The following CHD1L variants were observed in gnomAD, a reference collection of about 807,000 sequenced individuals.
The protein encoded by CHD1L is ATP-dependent chromatin remodeler CHD1L.
In CHD1L, 118 loss-of-function variants were observed where a neutral mutation model predicts 115.9. The ratio of observed to expected loss-of-function variants is 1.02; its 90% CI spans 0.88 to 1.19. The LOEUF (loss-of-function observed/expected upper bound fraction) is 1.19. CHD1L is among the 50% of genes most tolerant of loss of function. The probability of loss-of-function intolerance (pLI) is 0.00; values close to 1 mark genes in which losing one functional copy is unlikely to be tolerated. For missense variants in CHD1L, 1,179 were observed against 1,065.3 expected (o/e 1.11, Z -1.49); for synonymous variants, 411 against 387.1 (o/e 1.06, Z -0.72).
chr1:147,204,127 A>C, the CHD1L span: 6 of 1,045,980 alleles, frequency 5.7e-6, no homozygotes, highest in Non-Finnish European at 9.1e-6. Context: ...CTTCTCCCTT[A>C]CTTAAATTCA....
the CHD1L span, chr1:147,223,489 A>G: frequency 6.6e-6 from 1 of 152,322 alleles, no homozygotes; most frequent in East Asian, 1.9e-4. Context: ...AGGGCACCTC[A>G]ATACTATTAA....
the CHD1L span, among the ~76,000 whole-genome samples, chr1:147,216,171 C>T: frequency 1.3e-5 from 2 of 152,296 alleles, no homozygotes; most frequent in Admixed American, 1.3e-4. Context: ...GCTTCCAAGA[C>T]CAAGTCATAA....
intron 2 of CHD1L, 30 bp from the exon 3 acceptor site, chr1:147,254,840 C>G (rs782571843): frequency 1.3e-6 from 2 of 1,514,124 alleles, no homozygotes; most frequent in Non-Finnish European, 1.8e-6. Flanking sequence ...GAAATGTGAT[C>G]AAAACTGCCT....
the CHD1L span, among the ~76,000 whole-genome samples, chr1:147,227,335 G>A: frequency 6.6e-6 from 1 of 152,156 alleles, no homozygotes; most frequent in Non-Finnish European, 1.5e-5. Context: ...AGGAAAACAT[G>A]AATACTTTTA....
the CHD1L span, among the ~76,000 whole-genome samples, chr1:147,236,425 C>T: frequency 5.9e-5 from 9 of 152,202 alleles, no homozygotes; most frequent in Admixed American, 3.3e-4. Flanking sequence ...TCTTGTCCTG[C>T]GTCCAAGTAG....
chr1:147,268,714 G>A, intron 9 of CHD1L, 68 bp from the exon 10 acceptor site: 1 of 1,299,894 alleles, frequency 7.7e-7, no homozygotes, highest in South Asian at 1.2e-5. Context: ...TTCTCTTCCT[G>A]TAGCCTAGCT....
At chr1:147,232,651 G>A in the CHD1L span, among the ~76,000 whole-genome samples, 26 of 152,206 alleles carry the variant, frequency 1.7e-4, no homozygotes, top group Middle Eastern at 3.4e-3. Flanking sequence ...GGCACGCGCC[G>A]CCACGCCTGA....
chr1:147,264,306 C>A (rs116512874), intron 6 of CHD1L, 116 bp from the exon 7 acceptor site: 17,476 of 927,394 alleles, frequency 0.019, 200 homozygotes, highest in Non-Finnish European at 0.023. Flanking sequence ...TTTCATGTCC[C>A]CTCAGTCATT....
chr1:147,173,500 C>T, the CHD1L span: 1 of 152,222 alleles, frequency 6.6e-6, no homozygotes, highest in African/African-American at 2.4e-5. Context: ...TGAGAAACCT[C>T]AGAAGAAATA....
the CHD1L span, chr1:147,204,010 A>G: frequency 8.5e-7 from 1 of 1,175,954 alleles, no homozygotes; most frequent in Non-Finnish European, 1.3e-6. Flanking sequence ...ACATCATATT[A>G]TATTTGTTTG....
chr1:147,246,439 G>A (rs1241573028), intron 1 of CHD1L, among the ~76,000 whole-genome samples: 1 of 152,208 alleles, frequency 6.6e-6, no homozygotes, highest in Non-Finnish European at 1.5e-5. Context: ...CTGTGAGTGG[G>A]TCATATGGTA....
At chr1:147,215,831 T>A in the CHD1L span, 1 of 1,613,518 alleles carries the variant, frequency 6.2e-7, no homozygotes, top group East Asian at 2.2e-5. Flanking sequence ...GCATTATGCA[T>A]GAAGTTGGGA....
the CHD1L span, among the ~76,000 whole-genome samples, chr1:147,212,096 C>T: frequency 1.3e-5 from 2 of 152,212 alleles, no homozygotes; most frequent in African/African-American, 4.8e-5. Context: ...TTTATCAAAG[C>T]CAGAGGCACA....
intron 2 of CHD1L, 90 bp from the exon 3 acceptor site, chr1:147,254,780 G>C (rs1181791706): frequency 1.3e-6 from 1 of 763,134 alleles, no homozygotes; most frequent in Non-Finnish European, 2.1e-6. Flanking sequence ...TTAAACAAGA[G>C]TGTGTGTTCC....
At chr1:147,226,027 G>A in the CHD1L span, among the ~76,000 whole-genome samples, 4 of 152,276 alleles carry the variant, frequency 2.6e-5, no homozygotes, top group African/African-American at 9.6e-5. Flanking sequence ...GTTTAGGTCA[G>A]GGGTTGATGT....
At chr1:147,268,189 C>T (rs1173234445) in intron 9 of CHD1L, among the ~76,000 whole-genome samples, 6 of 152,108 alleles carry the variant, frequency 3.9e-5, no homozygotes, top group African/African-American at 1.2e-4. Flanking sequence ...CCCTGGGCAC[C>T]GCTTTAGCTG....
At chr1:147,262,806 T>C (rs1672424700) in intron 6 of CHD1L, among the ~76,000 whole-genome samples, 1 of 150,640 alleles carries the variant, frequency 6.6e-6, no homozygotes, top group Admixed American at 6.6e-5. Context: ...ATAAAAGCAG[T>C]GTCTTCCTAT....
rs781817086 is a variant in CHD1L at position 147,276,231 on chromosome 1, A to G, written c.1513A>G (p.Lys505Glu). ...AGGCCATTTTACTCTGGGAGCCCAG[A>G]AACCCGCTGCCGATGCTGACCTCCA... ...EGGHFTLGAQ[K>E]PAADADLQLS... Residue 505 changes from lysine to glutamate, a missense_variant, in exon 14 of 23, where the codon AAA becomes GAA. Coordinates refer to ENST00000369258, the MANE Select transcript of CHD1L (RefSeq NM_004284.6). The G allele has an allele frequency of 5.0e-6, 8 of 1,614,198 alleles. 1 individual carries two copies. In the South Asian group the frequency reaches 6.6e-5, roughly 13 times the overall value.
the CHD1L span, among the ~76,000 whole-genome samples, chr1:147,180,299 GTGTTTTTTTT>G: frequency 6.6e-6 from 1 of 151,462 alleles, no homozygotes; most frequent in Admixed American, 6.6e-5. Flanking sequence ...TTTGGTTTTT[GTGTTTTTTTT>G]TGAGACAGAG....
Sources: allele counts gnomAD v4.1 joint callset (sites outside exome capture counted in the v4.1 genomes callset), GRCh38; gene constraint gnomAD v4.1.1; transcripts MANE v1.5; gene names NCBI Gene and HGNC (gene_info 2026-07-23, HGNC 2026-07-21).